Variants in TMPRSS5 observed in about 807,000 individuals in gnomAD.
TMPRSS5 encodes the protein transmembrane serine protease 5.
A neutral mutation model predicts 59.7 loss-of-function variants in TMPRSS5; 45 were observed. The ratio of observed to expected loss-of-function variants is 0.75; its 90% CI spans 0.59 to 0.97. The LOEUF is 0.97. TMPRSS5 is among the 50% of genes least tolerant of loss of function. The pLI is 0.00. For missense variants in TMPRSS5, 585 were observed against 596.7 expected (o/e 0.98, Z 0.20); for synonymous variants, 225 against 232.0 (o/e 0.97, Z 0.27).
chr11:113,702,747 A>G (rs898796684), intron 1 of TMPRSS5, among the ~76,000 whole-genome samples: 1 of 152,218 alleles, frequency 6.6e-6, no homozygotes, highest in Non-Finnish European at 1.5e-5. Flanking sequence ...AGCTCCAGCC[A>G]TGGCTAAAAG....
rs559078374 is a variant in TMPRSS5, at chr11:113,704,979, T to C, written c.3+1243A>G. ...CCAATACAAATGTTAAGTATAATAA[T>C]ATTAATAAGAACTACACCTAAGCTG... On this transcript the variant is annotated intron_variant, in intron 1 of 12. Coordinates refer to ENST00000299882, the MANE Select transcript of TMPRSS5 (RefSeq NM_030770.4). Among the ~76,000 whole-genome samples the C allele has an allele frequency of 5.3e-5, 8 of 152,202 alleles. No individual in the cohort carries two copies. The East Asian group carries it at 1.4e-3, about 26-fold the overall frequency.
At chr11:113,705,551 C>G (rs1953267406) in intron 1 of TMPRSS5, among the ~76,000 whole-genome samples, 1 of 152,226 alleles carries the variant, frequency 6.6e-6, no homozygotes, top group African/African-American at 2.4e-5. Context: ...TATCAAACCA[C>G]ACACATTCTT....
At chr11:113,702,838 G>T (rs574242676) in intron 1 of TMPRSS5, among the ~76,000 whole-genome samples, 1 of 152,202 alleles carries the variant, frequency 6.6e-6, no homozygotes, top group Non-Finnish European at 1.5e-5. Flanking sequence ...TTGAGCCTGC[G>T]GGTGCACAGA....
intron 5 of TMPRSS5, 137 bp from the exon 6 acceptor site, chr11:113,697,108 C>G: frequency 8.2e-7 from 1 of 1,219,146 alleles, no homozygotes; most frequent in Non-Finnish European, 1.2e-6. Context: ...AGTAATACTC[C>G]AAACAGAGAA....
At chr11:113,699,500 G>A (rs1488941093) in intron 3 of TMPRSS5, 95 bp downstream of exon 3, 1 of 1,018,624 alleles carries the variant, frequency 9.8e-7, no homozygotes, top group East Asian at 2.6e-5. Context: ...GAGTAGTTGA[G>A]GAAGACAGTT....
chr11:113,699,274 T>C lies in TMPRSS5; in HGVS notation c.206-247A>G, dbSNP rs867014009. Reference sequence around the variant, plus strand: ...CTCTCTCTCTCTCTCTCTCTCTCCCTCTCTCTCTCTCTCTCTCTGTCTCTC... The same window carrying C: ...CTCTCTCTCTCTCTCTCTCTCTCCCCCTCTCTCTCTCTCTCTCTGTCTCTC... On this transcript the variant is annotated intron_variant, in intron 3 of 12. Transcript: ENST00000299882. 4.4e-3 allele frequency among the ~76,000 whole-genome samples: 349 copies of C among 80,000 alleles called. 31 individuals are homozygous for C. The highest frequency in any genetic ancestry group is 0.036 in the East Asian group (64 of 1,794). The allele number at this position is 80,000 out of a possible 152,430, so 52.5% of individuals were successfully genotyped here.
chr11:113,687,584 T>C lies in TMPRSS5; in HGVS notation c.*676A>G, dbSNP rs1262368167. 1 of 152,272 alleles carries C rather than the reference T, an allele frequency of 6.6e-6. No homozygotes were observed. The highest frequency in any genetic ancestry group is 6.5e-5 in the Admixed American group (1 of 15,282). The allele number at this position is 152,272 out of a possible 1,614,324, so 9.4% of individuals were successfully genotyped here. A position where few individuals can be genotyped will look rare whatever the true frequency, so the allele number is the denominator to read the frequency against. On this transcript the variant is annotated 3_prime_UTR_variant, in exon 13 of 13. Coordinates refer to ENST00000299882, the MANE Select transcript of TMPRSS5 (RefSeq NM_030770.4). ...TATATCACTTTAATAACAGAACTCCTTGGACCAGTTCACAGAACTGTCATT... is the reference window on the plus strand; with the variant it reads ...TATATCACTTTAATAACAGAACTCCCTGGACCAGTTCACAGAACTGTCATT...
Position 113,688,884 on chromosome 11 carries a change from A to G in TMPRSS5, c.1360-610T>C, listed in dbSNP as rs549801646. Among the ~76,000 whole-genome samples, 6 of 152,224 alleles carry G rather than the reference A, an allele frequency of 3.9e-5. No homozygotes were observed. The South Asian group carries it at 1.0e-3, about 26-fold the overall frequency. On this transcript the variant is annotated intron_variant, in intron 12 of 12. Coordinates refer to ENST00000299882, the MANE Select transcript of TMPRSS5 (RefSeq NM_030770.4). ...CCAGTAATGTGTTTTTATACACATTATCTCACTTGGCCTTCCCATTGAACA... is the reference window on the plus strand; with the variant it reads ...CCAGTAATGTGTTTTTATACACATTGTCTCACTTGGCCTTCCCATTGAACA...
chr11:113,695,376 C>T (rs1233788449), intron 7 of TMPRSS5, 24 bp downstream of exon 7: 1 of 1,613,760 alleles, frequency 6.2e-7, no homozygotes, highest in South Asian at 1.1e-5. Flanking sequence ...ACCGCCACCT[C>T]CCCTAGACCA....
At chr11:113,691,469 G>T (rs186345468) in intron 9 of TMPRSS5, among the ~76,000 whole-genome samples, 1 of 152,180 alleles carries the variant, frequency 6.6e-6, no homozygotes. Context: ...ACTGCCTGCC[G>T]TCCTCCCACC....
At chr11:113,688,388 T>C (rs954217790) in intron 12 of TMPRSS5, 114 bp from the exon 13 acceptor site, 7 of 731,500 alleles carry the variant, frequency 9.6e-6, no homozygotes, top group Non-Finnish European at 1.6e-5. Flanking sequence ...TTCTATCAAA[T>C]GAGGCTAAAA....
At chr11:113,690,441 G>A in intron 10 of TMPRSS5, 68 bp from the exon 11 acceptor site, 1 of 1,546,502 alleles carries the variant, frequency 6.5e-7, no homozygotes, top group Non-Finnish European at 8.7e-7. Context: ...CAGCAAGAGG[G>A]GAGGTAATTC....
chr11:113,697,693 C>T (rs1225711084), intron 4 of TMPRSS5, among the ~76,000 whole-genome samples: 1 of 152,160 alleles, frequency 6.6e-6, no homozygotes, highest in Admixed American at 6.5e-5. Context: ...TGAGTACTGC[C>T]ATCCTCTCCA....
In TMPRSS5 at chr11:113,688,047, TG is replaced by T; in HGVS notation, c.*212del. ...CTCTCTTCTGTCATTGAGTCTCTAGTGAGAAAGAGGACTCTGAAATCAGGGC... is the reference window on the plus strand; with the variant it reads ...CTCTCTTCTGTCATTGAGTCTCTAGTAGAAAGAGGACTCTGAAATCAGGGC... On this transcript the variant is annotated 3_prime_UTR_variant, in exon 13 of 13. Coordinates refer to ENST00000299882, the MANE Select transcript of TMPRSS5 (RefSeq NM_030770.4). 1 of 649,240 alleles carries T rather than the reference TG, an allele frequency of 1.5e-6. No individual in the cohort carries two copies. The highest frequency in any genetic ancestry group is 2.3e-6 in the Non-Finnish European group (1 of 439,986). The allele number at this position is 649,240 out of a possible 1,614,324, so 40.2% of individuals were successfully genotyped here. A position where few individuals can be genotyped will look rare whatever the true frequency, so the allele number is the denominator to read the frequency against.
At chr11:113,695,841 A>G (rs1453214507) in intron 6 of TMPRSS5, among the ~76,000 whole-genome samples, 1 of 152,120 alleles carries the variant, frequency 6.6e-6, no homozygotes, top group Non-Finnish European at 1.5e-5. Flanking sequence ...TCTTCACCCC[A>G]TGCTCCTTCC....
intron 2 of TMPRSS5, 24 bp downstream of exon 2, chr11:113,700,042 C>T (rs746840033): frequency 6.4e-7 from 1 of 1,553,822 alleles, no homozygotes; most frequent in Non-Finnish European, 8.7e-7. Context: ...CCCTGTCATT[C>T]CCCTATGGCC....
At chr11:113,691,197 T>G (rs900659475) in intron 9 of TMPRSS5, among the ~76,000 whole-genome samples, 3 of 152,098 alleles carry the variant, frequency 2.0e-5, no homozygotes, top group Non-Finnish European at 4.4e-5. Context: ...GGACCCATGC[T>G]GCCCCCTCCC....
rs760097911 is a variant in TMPRSS5, at chr11:113,689,936, G to A, written c.1207-19C>T. 3 of 1,524,718 alleles carry A rather than the reference G, an allele frequency of 2.0e-6. No individual in the cohort carries two copies. The highest frequency in any genetic ancestry group is 2.7e-6 in the Non-Finnish European group (3 of 1,131,780). The allele number at this position is 1,524,718 out of a possible 1,614,324, so 94.4% of individuals were successfully genotyped here. A position where few individuals can be genotyped will look rare whatever the true frequency, so the allele number is the denominator to read the frequency against. On this transcript the variant is annotated intron_variant, in intron 11 of 12. Coordinates refer to ENST00000299882, the MANE Select transcript of TMPRSS5 (RefSeq NM_030770.4). ...TATCTCCCTAAGGGATCCAGGCATG[G>A]AGACACAGAGAAACAGCCAGTTAGT...
chr11:113,696,047 C>T (rs1311870316), intron 6 of TMPRSS5, among the ~76,000 whole-genome samples: 3 of 152,168 alleles, frequency 2.0e-5, no homozygotes, highest in Admixed American at 6.5e-5. Flanking sequence ...TTTCCCAAAT[C>T]CATAGCCCTC....
Sources: gnomAD v4.1 joint callset for allele counts (sites outside exome capture counted in the v4.1 genomes callset) on GRCh38, gnomAD v4.1.1 for gene constraint, MANE v1.5 for transcripts, NCBI Gene and HGNC (gene_info 2026-07-23, HGNC 2026-07-21) for gene names.